Variants in ARHGAP10 observed in about 807,000 individuals in gnomAD.
ARHGAP10 encodes Rho GTPase activating protein 10, also known as rho GTPase-activating protein 10.
In ARHGAP10, 87 loss-of-function variants were observed where a neutral mutation model predicts 108.6. The ratio of observed to expected loss-of-function variants is 0.80; its 90% CI spans 0.67 to 0.96. The LOEUF is 0.96. ARHGAP10 is among the 40% of genes least tolerant of loss of function. The probability of loss-of-function intolerance (pLI) is 0.00; values close to 1 mark genes in which losing one functional copy is unlikely to be tolerated. For synonymous variants in ARHGAP10, 347 were observed against 341.1 expected, an observed-to-expected ratio of 1.02 and a Z score of -0.19; for missense variants, 939 against 954.5, an observed-to-expected ratio of 0.98 and a Z score of 0.21.
Position 147,975,372 on chromosome 4 carries a change from G to T in ARHGAP10, c.1716+8533G>T, listed in dbSNP as rs192724041. 5.3e-5 allele frequency among the ~76,000 whole-genome samples: 8 copies of T among 152,268 alleles called. No individual in the cohort carries two copies. In the East Asian group the frequency reaches 1.5e-3, roughly 29 times the overall value. ...TGTCCTCCAGTCACGGAGGAGCCTA[G>T]ACAGAGCAGTAGGGAGAAGGGCATA... On this transcript the variant is annotated intron_variant, in intron 18 of 22. Coordinates refer to ENST00000336498, the MANE Select transcript of ARHGAP10 (RefSeq NM_024605.4).
At chr4:147,840,423 T>C (rs528545496) in intron 3 of ARHGAP10, among the ~76,000 whole-genome samples, 1 of 152,310 alleles carries the variant, frequency 6.6e-6, no homozygotes, top group South Asian at 2.1e-4. Flanking sequence ...TTTTTATTTC[T>C]TCCTCCTAAA....
At chr4:147,904,007 T>C (rs1389613471) in intron 10 of ARHGAP10, among the ~76,000 whole-genome samples, 3 of 152,180 alleles carry the variant, frequency 2.0e-5, no homozygotes, top group Non-Finnish European at 2.9e-5. Flanking sequence ...TGTCCTACAG[T>C]AAAAATGTTT....
At chr4:147,821,640 G>A (rs1732501748) in intron 1 of ARHGAP10, among the ~76,000 whole-genome samples, 1 of 152,136 alleles carries the variant, frequency 6.6e-6, no homozygotes, top group Non-Finnish European at 1.5e-5. Flanking sequence ...GGCTATATGG[G>A]GAGCCTTTGT....
chr4:148,045,731 T>TC (rs898014709), intron 19 of ARHGAP10, among the ~76,000 whole-genome samples: 1 of 71,246 alleles, frequency 1.4e-5, no homozygotes, highest in African/African-American at 5.7e-5. Flanking sequence ...AGAACGAAAC[T>TC]CCATCTCAAA....
chr4:147,969,324 C>CTTTTTTTTTTT, intron 18 of ARHGAP10, among the ~76,000 whole-genome samples: 1 of 93,870 alleles, frequency 1.1e-5, no homozygotes, highest in Non-Finnish European at 2.1e-5. Context: ...TTTGTTTTGC[C>CTTTTTTTTTTT]TTTTTTTTTT....
Position 147,906,641 on chromosome 4 carries a change from T to C in ARHGAP10, c.1038T>C (p.Pro346=). The part of the protein sequence containing the change: ...FCFDIEAADR[P]GVSLTMQAFS... ...ATATGTTACTGGTGTCTTTCAGGCC[T>C]GGCGTTTCCTTGACCATGCAGGCAT... The change falls in exon 11 of 23, where the codon CCT becomes CCC. Residue 346 remains proline (P), a synonymous_variant. Coordinates refer to ENST00000336498, the MANE Select transcript of ARHGAP10 (RefSeq NM_024605.4). 1 of 1,614,148 alleles carries C rather than the reference T, an allele frequency of 6.2e-7. No homozygotes were observed. The highest frequency in any genetic ancestry group is 8.5e-7 in the Non-Finnish European group (1 of 1,180,010).
intron 18 of ARHGAP10, among the ~76,000 whole-genome samples, chr4:147,983,589 C>G (rs1739917143): frequency 6.6e-6 from 1 of 151,336 alleles, no homozygotes; most frequent in Non-Finnish European, 1.5e-5. Context: ...ATGGTCTCAT[C>G]TGCCGTTAAG....
At chr4:147,794,386 G>T (rs1389126922) in intron 1 of ARHGAP10, among the ~76,000 whole-genome samples, 1 of 152,110 alleles carries the variant, frequency 6.6e-6, no homozygotes, top group Non-Finnish European at 1.5e-5. Context: ...CTATGAAGAG[G>T]ATCCTATAAT....
At chr4:147,992,001 G>A (rs914847080) in intron 18 of ARHGAP10, among the ~76,000 whole-genome samples, 1 of 152,214 alleles carries the variant, frequency 6.6e-6, no homozygotes, top group Non-Finnish European at 1.5e-5. Context: ...ATTAACTTCA[G>A]TGTGGAGCCT....
At chr4:147,945,391 T>G (rs1445599065) in intron 14 of ARHGAP10, among the ~76,000 whole-genome samples, 1 of 152,196 alleles carries the variant, frequency 6.6e-6, no homozygotes. Context: ...TTAACTGACT[T>G]ACCATTTGAA....
intron 3 of ARHGAP10, among the ~76,000 whole-genome samples, chr4:147,845,742 T>C (rs1002319001): frequency 3.3e-5 from 5 of 152,132 alleles, no homozygotes; most frequent in African/African-American, 1.2e-4. Context: ...GCTTAAAAAA[T>C]GACACAGGTG....
chr4:148,002,900 G>A (rs996664284), intron 18 of ARHGAP10, among the ~76,000 whole-genome samples: 40 of 152,036 alleles, frequency 2.6e-4, no homozygotes, highest in African/African-American at 8.2e-4. Flanking sequence ...AGGGTTTTTT[G>A]TGTCTCTATC....
chr4:148,017,680 A>ATATATATATATATATATT, intron 18 of ARHGAP10, among the ~76,000 whole-genome samples: 1 of 141,454 alleles, frequency 7.1e-6, no homozygotes, highest in South Asian at 2.2e-4. Context: ...ATATATATAT[A>ATATATATATATATATATT]TATGTGTGTG....
intron 18 of ARHGAP10, among the ~76,000 whole-genome samples, chr4:147,973,736 T>C (rs1315577652): frequency 6.6e-6 from 1 of 152,178 alleles, no homozygotes; most frequent in African/African-American, 2.4e-5. Context: ...TCTATCTTCA[T>C]GAGTTAAATT....
At chr4:147,754,651 A>T (rs960137410) in intron 1 of ARHGAP10, among the ~76,000 whole-genome samples, 4 of 152,158 alleles carry the variant, frequency 2.6e-5, no homozygotes, top group Admixed American at 6.6e-5. Flanking sequence ...CAGCTAGAGA[A>T]TTTGGGTGAA....
At chr4:148,012,694 CCA>C (rs1346855724) in intron 18 of ARHGAP10, among the ~76,000 whole-genome samples, 1 of 152,124 alleles carries the variant, frequency 6.6e-6, no homozygotes, top group Non-Finnish European at 1.5e-5. Context: ...ATTGTAAAAA[CCA>C]CAGTTACTGT....
chr4:147,807,432 C>T (rs1731836304), intron 1 of ARHGAP10, among the ~76,000 whole-genome samples: 1 of 151,238 alleles, frequency 6.6e-6, no homozygotes, highest in Non-Finnish European at 1.5e-5. Context: ...AACTTATATT[C>T]CAGAATTATT....
At position 147,918,133 on chromosome 4, in the gene ARHGAP10, A is replaced by ATTTT. The variant is rs760617123; in HGVS notation, c.1228+5011_1228+5014dup. Among the ~76,000 whole-genome samples the ATTTT allele has an allele frequency of 3.0e-3, 393 of 129,958 alleles. 20 individuals are homozygous for ATTTT. Among genetic ancestry groups the ATTTT allele is most frequent in the African/African-American group, 0.011 (341 of 31,320 alleles). The allele number at this position is 129,958 out of a possible 152,430, so 85.3% of individuals were successfully genotyped here. ...AAAAATAATTTAAACTCTCATTAAG[A>ATTTT]TTTTTTTTTTTTTTTTTTTTGAGAC... On this transcript the variant is annotated intron_variant, in intron 13 of 22. Transcript: ENST00000336498.
intron 18 of ARHGAP10, among the ~76,000 whole-genome samples, chr4:148,003,394 G>C (rs962636364): frequency 1.3e-5 from 2 of 152,200 alleles, no homozygotes; most frequent in Non-Finnish European, 2.9e-5. Flanking sequence ...ATATTCTGTC[G>C]ATTTGGGTTG....
Sources: allele counts gnomAD v4.1 joint callset (sites outside exome capture counted in the v4.1 genomes callset), GRCh38; gene constraint gnomAD v4.1.1; transcripts MANE v1.5; gene names NCBI Gene and HGNC (gene_info 2026-07-23, HGNC 2026-07-21).